The following THBS4 variants were observed in gnomAD, a reference collection of about 807,000 sequenced individuals.
The protein encoded by THBS4 is thrombospondin-4.
Under a neutral mutation model 115.7 loss-of-function variants are expected in THBS4, and 90 were observed. The observed-to-expected ratio is 0.78, with a 90% CI of 0.66 to 0.93. The LOEUF (loss-of-function observed/expected upper bound fraction) is 0.93. THBS4 is among the 40% of genes least tolerant of loss of function. The pLI is 0.00. For synonymous variants in THBS4, 460 were observed against 479.3 expected (o/e 0.96, Z 0.53); for missense variants, 1,087 against 1,232.7 (o/e 0.88, Z 1.77).
intron 15 of THBS4, chr5:80,074,387 G>A (rs1404119130): frequency 6.6e-6 from 1 of 152,280 alleles, no homozygotes; most frequent in Non-Finnish European, 1.5e-5. Flanking sequence ...AAAAACAGAC[G>A]TGTGTCACTC....
chr5:80,023,666 A>G (rs955943844), intron 2 of THBS4, among the ~76,000 whole-genome samples: 2 of 152,226 alleles, frequency 1.3e-5, no homozygotes, highest in Admixed American at 6.5e-5. Context: ...TTTATTTTAA[A>G]AGAAAGAGAG....
rs944513044 is a variant in THBS4, at chr5:80,000,256, A to T, written n.177+1829A>T. On this transcript the variant is annotated intron_variant and non_coding_transcript_variant, in intron 2 of 3. Coordinates refer to the THBS4 transcript ENST00000510218. The stretch of plus-strand genomic sequence containing the variant: ...CCACAGCATTTAGTTGGCACATAAT[A>T]GATGCTTATAGTTGATGGACACAAA... Among the ~76,000 whole-genome samples the T allele has an allele frequency of 3.9e-5, 6 of 152,330 alleles. No individual in the cohort carries two copies. The South Asian group carries it at 1.2e-3, about 32-fold the overall frequency.
intron 2 of THBS4, among the ~76,000 whole-genome samples, chr5:80,024,881 C>T (rs1055948759): frequency 1.3e-5 from 2 of 152,186 alleles, no homozygotes; most frequent in Non-Finnish European, 2.9e-5. Context: ...TAAGGCAGTG[C>T]AGGCAAGTAG....
chr5:79,996,521 G>A (rs964652572), intron 1 of THBS4, among the ~76,000 whole-genome samples: 1 of 152,158 alleles, frequency 6.6e-6, no homozygotes, highest in African/African-American at 2.4e-5. Context: ...TGTAGCTTCA[G>A]CATGATGGGG....
chr5:80,017,343 A>G (rs959809437), intron 2 of THBS4, among the ~76,000 whole-genome samples: 19 of 152,210 alleles, frequency 1.2e-4, no homozygotes, highest in Admixed American at 3.3e-4. Context: ...ATCTAACAAC[A>G]TGCAACCCAA....
At chr5:80,025,413 T>C (rs1832456766) in intron 2 of THBS4, among the ~76,000 whole-genome samples, 1 of 152,170 alleles carries the variant, frequency 6.6e-6, no homozygotes, top group Non-Finnish European at 1.5e-5. Context: ...TGCTTAACTA[T>C]TGGATACACA....
rs370140937 is a variant in THBS4 at position 80,070,733 on chromosome 5, G to A, written c.1543G>A (p.Gly515Arg). ...DACDEDADGD[G>R]ILNEQDNCVL... ...TTGTGACGAGGATGCTGACGGAGAT[G>A]GGATCCTGAATGAGCAGGTACCTGC... Residue 515 changes from glycine to arginine, a missense_variant, in exon 12 of 22, where the codon GGG (glycine) becomes AGG (arginine). By Grantham distance (125) the Gly-to-Arg change is moderately radical. Transcript: ENST00000350881. 2 of 1,614,182 alleles carry A rather than the reference G, an allele frequency of 1.2e-6. No homozygotes were observed. Among genetic ancestry groups the A allele is most frequent in the Middle Eastern group, 1.6e-4 (1 of 6,062 alleles).
rs1335676131 is a variant in THBS4 at position 80,079,051 on chromosome 5, G to A, written c.2315-11G>A. ...TTTGTCTATTGTTCTAATCTTATCT[G>A]GTCCCTACAGGGTACACAGCTTTTA... On this transcript the variant is annotated splice_polypyrimidine_tract_variant and intron_variant, in intron 18 of 21. Transcript: ENST00000350881. The A allele has an allele frequency of 2.5e-6, 4 of 1,611,868 alleles. No individual in the cohort carries two copies. Among genetic ancestry groups the A allele is most frequent in the Non-Finnish European group, 3.4e-6 (4 of 1,178,428 alleles).
intron 20 of THBS4, among the ~76,000 whole-genome samples, chr5:80,080,470 C>T (rs1331822602): frequency 1.4e-5 from 2 of 147,698 alleles, no homozygotes; most frequent in Non-Finnish European, 3.0e-5. Flanking sequence ...CACCTCTGGG[C>T]CCTGTGTAAT....
At chr5:80,028,370 G>C (rs1240378014) in intron 2 of THBS4, among the ~76,000 whole-genome samples, 3 of 151,940 alleles carry the variant, frequency 2.0e-5, no homozygotes, top group Non-Finnish European at 4.4e-5. Flanking sequence ...CCCAAGCACA[G>C]TTTTTAGCTC....
chr5:80,021,208 C>T (rs953547074), intron 2 of THBS4, among the ~76,000 whole-genome samples: 2 of 152,086 alleles, frequency 1.3e-5, no homozygotes, highest in African/African-American at 4.8e-5. Context: ...AGGGGGTTCA[C>T]GAAGTTCTCC....
At chr5:80,008,222 A>G (rs1309092750) in intron 2 of THBS4, among the ~76,000 whole-genome samples, 4 of 152,232 alleles carry the variant, frequency 2.6e-5, no homozygotes, top group African/African-American at 9.6e-5. Flanking sequence ...TCCAGCTACA[A>G]TCAGTGGTTT....
rs749703127 is a variant in THBS4 at position 80,056,022 on chromosome 5, G to A, written c.530G>A (p.Arg177Lys). Residue 177 changes from arginine (R) to lysine (K), a missense_variant, in exon 3 of 22, where the codon AGG becomes AAG. Physicochemically the swap from Arg to Lys is conservative, Grantham distance 26. Transcript: ENST00000350881. ...PETIELRTFQ[R>K]KPQDFLEELK... is the part of the protein sequence containing the mutation. Reference sequence around the variant, plus strand: ...ACCATTGAATTGAGGACTTTCCAGAGGAAGCCACAGGTAGGAACCCACAAA... The same window carrying A: ...ACCATTGAATTGAGGACTTTCCAGAAGAAGCCACAGGTAGGAACCCACAAA... 4 of 1,604,376 alleles carry A rather than the reference G, an allele frequency of 2.5e-6. No individual in the cohort carries two copies. The highest frequency in any genetic ancestry group is 1.7e-4 in the Middle Eastern group (1 of 6,008).
intron 2 of THBS4, among the ~76,000 whole-genome samples, chr5:80,025,039 C>T (rs1390862503): frequency 3.3e-5 from 5 of 152,010 alleles, no homozygotes; most frequent in Admixed American, 6.6e-5. Context: ...AAAATTGGTG[C>T]GTTATAATTA....
intron 16 of THBS4, among the ~76,000 whole-genome samples, chr5:80,077,792 G>A (rs1291919098): frequency 6.6e-6 from 1 of 152,214 alleles, no homozygotes; most frequent in African/African-American, 2.4e-5. Flanking sequence ...GGACAGAGTG[G>A]AGGGCAACTG....
intron 15 of THBS4, among the ~76,000 whole-genome samples, chr5:80,076,547 C>T (rs1743226066): frequency 1.3e-5 from 2 of 152,180 alleles, no homozygotes; most frequent in Admixed American, 6.5e-5. Flanking sequence ...CACACATCCT[C>T]TGAGTTGAGT....
At chr5:80,070,584 A>C in intron 11 of THBS4, 59 bp from the exon 12 acceptor site, 1 of 1,535,668 alleles carries the variant, frequency 6.5e-7, no homozygotes, top group Non-Finnish European at 9.0e-7. Context: ...GAGGTCAGAA[A>C]CAGTTACTGG....
intron 2 of THBS4, among the ~76,000 whole-genome samples, chr5:80,020,207 C>G (rs1406114220): frequency 1.3e-5 from 2 of 152,204 alleles, no homozygotes; most frequent in Non-Finnish European, 2.9e-5. Context: ...GGCGCAGTGG[C>G]TCACGCCTGT....
At chr5:79,998,972 C>T (rs926757556) in intron 2 of THBS4, among the ~76,000 whole-genome samples, 9 of 152,226 alleles carry the variant, frequency 5.9e-5, no homozygotes, top group Admixed American at 1.3e-4. Context: ...GATGGACAGC[C>T]GGGAGTAAAG....
Sources: allele counts gnomAD v4.1 joint callset (sites outside exome capture counted in the v4.1 genomes callset), GRCh38; gene constraint gnomAD v4.1.1; transcripts MANE v1.5; gene names NCBI Gene and HGNC (gene_info 2026-07-23, HGNC 2026-07-21).